The following GABRB2 variants were observed in gnomAD, a reference collection of about 807,000 sequenced individuals.
GABRB2 encodes gamma-aminobutyric acid receptor subunit beta-2.
Under a neutral mutation model 54.7 loss-of-function variants are expected in GABRB2, and 16 were observed. The ratio of observed to expected loss-of-function variants is 0.29; its 90% CI spans 0.20 to 0.44. The LOEUF (loss-of-function observed/expected upper bound fraction) is 0.44, where lower values mean the gene tolerates loss of function less well. Among genes scored for constraint, GABRB2 ranks in the 20% least tolerant of loss-of-function variants. The pLI is 1.00. For missense variants in GABRB2, 355 were observed against 644.0 expected (o/e 0.55, Z 4.86); for synonymous variants, 244 against 233.8 (o/e 1.04, Z -0.40).
chr5:161,415,583 G>C (rs755864735), intron 4 of GABRB2, among the ~76,000 whole-genome samples: 1 of 152,042 alleles, frequency 6.6e-6, no homozygotes, highest in Non-Finnish European at 1.5e-5. Context: ...TGCTAACATA[G>C]TATTCCAAGT....
At chr5:161,435,369 A>G (rs1156426435) in intron 4 of GABRB2, among the ~76,000 whole-genome samples, 1 of 152,206 alleles carries the variant, frequency 6.6e-6, no homozygotes. Flanking sequence ...ATAATAAGTG[A>G]ATAAAGCAAA....
At chr5:161,380,027 T>C (rs1755418924) in intron 5 of GABRB2, among the ~76,000 whole-genome samples, 1 of 152,166 alleles carries the variant, frequency 6.6e-6, no homozygotes, top group Non-Finnish European at 1.5e-5. Context: ...TCAATTCCCT[T>C]ATAAAAAACT....
intron 5 of GABRB2, among the ~76,000 whole-genome samples, chr5:161,371,328 A>G (rs956460569): frequency 9.2e-5 from 14 of 152,206 alleles, no homozygotes; most frequent in Admixed American, 1.3e-4. Flanking sequence ...TATAATAATA[A>G]TCTACATGTA....
At position 161,431,721 on chromosome 5, in the gene GABRB2, C is replaced by T. The variant is rs1434333894; in HGVS notation, c.459-20664G>A. ...TTGTTCTTTAAAGAAGAGATGCAAA[C>T]CACACAGACAGATATACCACTTACA... On this transcript the variant is annotated intron_variant, in intron 4 of 9. Transcript: ENST00000393959. 2.0e-5 allele frequency among the ~76,000 whole-genome samples: 3 copies of T among 152,228 alleles called. No individual in the cohort carries two copies. The South Asian group carries it at 6.2e-4, about 32-fold the overall frequency.
intron 3 of GABRB2, among the ~76,000 whole-genome samples, chr5:161,499,495 G>A (rs1209771086): frequency 6.6e-6 from 1 of 152,094 alleles, no homozygotes; most frequent in Non-Finnish European, 1.5e-5. Context: ...GATTTCAATA[G>A]GCAGTTGAAA....
At chr5:161,458,440 TGAAGGCCAAA>T (rs1359200048) in intron 4 of GABRB2, among the ~76,000 whole-genome samples, 1 of 152,180 alleles carries the variant, frequency 6.6e-6, no homozygotes, top group Non-Finnish European at 1.5e-5. Context: ...CTCCCTCCCT[TGAAGGCCAAA>T]TGCCTTTTTC....
At chr5:161,473,581 T>C (rs1265396670) in intron 3 of GABRB2, among the ~76,000 whole-genome samples, 1 of 152,050 alleles carries the variant, frequency 6.6e-6, no homozygotes, top group African/African-American at 2.4e-5. Context: ...AAGGGTTTGA[T>C]CTCACTTAAA....
intron 9 of GABRB2, among the ~76,000 whole-genome samples, chr5:161,297,023 G>A (rs1757399114): frequency 6.6e-6 from 1 of 152,156 alleles, no homozygotes; most frequent in African/African-American, 2.4e-5. Flanking sequence ...TGGTTCCACT[G>A]ACATGGCAAA....
At chr5:161,382,732 C>G (rs1323481111) in intron 5 of GABRB2, among the ~76,000 whole-genome samples, 1 of 152,160 alleles carries the variant, frequency 6.6e-6, no homozygotes, top group Non-Finnish European at 1.5e-5. Flanking sequence ...GTCCCTTACA[C>G]ATTATTGGAA....
intron 3 of GABRB2, among the ~76,000 whole-genome samples, chr5:161,495,365 A>G (rs1365602981): frequency 1.3e-5 from 2 of 152,060 alleles, no homozygotes; most frequent in Admixed American, 1.3e-4. Context: ...GCAAAATACT[A>G]TAGAAGAAAG....
intron 5 of GABRB2, among the ~76,000 whole-genome samples, chr5:161,387,473 T>A (rs1477480109): frequency 6.6e-6 from 1 of 152,150 alleles, no homozygotes; most frequent in African/African-American, 2.4e-5. Flanking sequence ...GGTTTATGTG[T>A]GATATTTTAG....
chr5:161,436,453 A>G (rs764185855), intron 4 of GABRB2, among the ~76,000 whole-genome samples: 10 of 151,918 alleles, frequency 6.6e-5, no homozygotes, highest in Non-Finnish European at 8.8e-5. Flanking sequence ...GAATTGCTTG[A>G]ACTTGGGAGG....
chr5:161,534,672 C>A (rs1376206082), intron 3 of GABRB2, among the ~76,000 whole-genome samples: 1 of 152,066 alleles, frequency 6.6e-6, no homozygotes, highest in Middle Eastern at 3.2e-3. Flanking sequence ...GAAATAGAAA[C>A]TGGCACTGTC....
Position 161,511,161 on chromosome 5 carries a change from T to C in GABRB2, c.237+34066A>G, listed in dbSNP as rs960280292. 1.1e-4 allele frequency among the ~76,000 whole-genome samples: 16 copies of C among 151,988 alleles called. 1 individual carries two copies. The highest frequency in any genetic ancestry group is 3.9e-4 in the African/African-American group (16 of 41,424). ...TTTCTCAAAAACAGATTTAATTTCA[T>C]AGCAAAAGTGATGGTTCTGTCCTAC... On this transcript the variant is annotated intron_variant, in intron 3 of 9. Coordinates refer to ENST00000393959, the MANE Select transcript of GABRB2 (RefSeq NM_001371727.1).
At chr5:161,546,051 G>A (rs543987005) in intron 2 of GABRB2, among the ~76,000 whole-genome samples, 60 of 152,356 alleles carry the variant, frequency 3.9e-4, no homozygotes, top group African/African-American at 1.4e-3. Flanking sequence ...ACAAAGCAAA[G>A]GCAGGGAAGC....
intron 5 of GABRB2, among the ~76,000 whole-genome samples, chr5:161,340,399 T>C (rs1240204391): frequency 1.3e-5 from 2 of 152,092 alleles, no homozygotes; most frequent in African/African-American, 2.4e-5. Flanking sequence ...GATGTTTATA[T>C]ATTGTAAATG....
chr5:161,376,134 T>C (rs1022897717), intron 5 of GABRB2, among the ~76,000 whole-genome samples: 1 of 152,118 alleles, frequency 6.6e-6, no homozygotes, highest in Non-Finnish European at 1.5e-5. Context: ...ACTGAAATAA[T>C]CAAATCTAAA....
intron 5 of GABRB2, among the ~76,000 whole-genome samples, chr5:161,358,495 G>A (rs1320632903): frequency 1.3e-5 from 2 of 152,150 alleles, no homozygotes. Flanking sequence ...GAAGTTAGAA[G>A]AAATAACAGC....
chr5:161,319,502 A>G (rs1034385074), intron 9 of GABRB2, among the ~76,000 whole-genome samples: 5 of 150,562 alleles, frequency 3.3e-5, no homozygotes, highest in African/African-American at 9.7e-5. Context: ...AATTTGAAAT[A>G]GCACTCTGTG....
Sources: gnomAD v4.1 joint callset for allele counts (sites outside exome capture counted in the v4.1 genomes callset) on GRCh38, gnomAD v4.1.1 for gene constraint, MANE v1.5 for transcripts, NCBI Gene and HGNC (gene_info 2026-07-23, HGNC 2026-07-21) for gene names.